The following ATF2 variants were observed in gnomAD, a reference collection of about 807,000 sequenced individuals.
The protein encoded by ATF2 is activating transcription factor 2.
ATF2 carries 24 observed loss-of-function variants against 60.6 expected under a neutral mutation model. The observed-to-expected ratio is 0.40, with a 90% CI of 0.29 to 0.56. ATF2 has a LOEUF of 0.56. ATF2 is among the 20% of genes least tolerant of loss of function. ATF2 has a pLI of 0.54. For synonymous variants in ATF2, 206 were observed against 215.4 expected, an observed-to-expected ratio of 0.96 and a Z score of 0.38; for missense variants, 433 against 607.7, an observed-to-expected ratio of 0.71 and a Z score of 3.02.
At chr2:175,107,916 A>G (rs553838138) in intron 10 of ATF2, among the ~76,000 whole-genome samples, 1 of 152,236 alleles carries the variant, frequency 6.6e-6, no homozygotes, top group Non-Finnish European at 1.5e-5. Context: ...TCGGCTCGCT[A>G]CAACCTCCAC....
intron 12 of ATF2, among the ~76,000 whole-genome samples, chr2:175,085,344 G>A (rs531449790): frequency 6.2e-4 from 95 of 152,016 alleles, no homozygotes; most frequent in Middle Eastern, 3.4e-3. Flanking sequence ...AGACCAGCCT[G>A]GCCAACGTGG....
At chr2:175,163,169 AAATAAATAAATAAAT>A (rs1700129564) in intron 1 of ATF2, among the ~76,000 whole-genome samples, 1 of 26,802 alleles carries the variant, frequency 3.7e-5, no homozygotes, top group East Asian at 0.011. Context: ...ATAAATAAAT[AAATAAATAAATAAAT>A]GCAAGCAAAC....
At chr2:175,103,199 A>T (rs1695420732) in intron 10 of ATF2, among the ~76,000 whole-genome samples, 1 of 152,256 alleles carries the variant, frequency 6.6e-6, no homozygotes, top group Admixed American at 6.5e-5. Context: ...TTTATGAAAA[A>T]GTCAGATCCA....
intron 2 of ATF2, among the ~76,000 whole-genome samples, chr2:175,144,670 A>G (rs1418945675): frequency 6.6e-6 from 1 of 152,116 alleles, no homozygotes; most frequent in Admixed American, 6.6e-5. Flanking sequence ...GTCCACTGGG[A>G]GATAGATGAG....
chr2:175,092,026 A>G (rs1289376648), intron 12 of ATF2, among the ~76,000 whole-genome samples: 2 of 152,242 alleles, frequency 1.3e-5, no homozygotes, highest in Non-Finnish European at 1.5e-5. Context: ...TCTGCAAGAC[A>G]ATCTATTTGT....
chr2:175,117,052 AT>A lies in ATF2; in HGVS notation c.447+937del, dbSNP rs5836482. The stretch of plus-strand genomic sequence containing the variant: ...GATCTTTATATCCATCTATCCTTCT[AT>A]TTAACTATTCACTTATGTATTTGTA... On this transcript the variant is annotated intron_variant, in intron 7 of 13. Coordinates refer to ENST00000264110, the MANE Select transcript of ATF2 (RefSeq NM_001880.4). Among the ~76,000 whole-genome samples, 751 of 152,096 alleles carry A rather than the reference AT, an allele frequency of 4.9e-3. 2 individuals carry two copies. The highest frequency in any genetic ancestry group is 0.031 in the Middle Eastern group (9 of 294).
rs763190197 is a variant in ATF2, at chr2:175,074,633, G to A, written c.1494C>T (p.Ser498=). Residue 498 remains serine (S), a synonymous_variant, in exon 14 of 14, where the codon TCC becomes TCT. Coordinates refer to ENST00000264110, the MANE Select transcript of ATF2 (RefSeq NM_001880.4). ...ALSQIVMAPS[S]QSQPSGS ...ATCAACTTCCTGAGGGCTGTGACTG[G>A]GAGGAAGGAGCCATAACGATCTGTG... 1.2e-6 allele frequency: 2 copies of A among 1,612,856 alleles called. No homozygotes were observed. Among genetic ancestry groups the A allele is most frequent in the South Asian group, 2.2e-5 (2 of 91,010 alleles).
At chr2:175,102,298 G>C (rs1695364692) in intron 10 of ATF2, among the ~76,000 whole-genome samples, 2 of 152,102 alleles carry the variant, frequency 1.3e-5, no homozygotes, top group Non-Finnish European at 1.5e-5. Context: ...CAAAAGCTTT[G>C]CCAAACTGGA....
intron 10 of ATF2, among the ~76,000 whole-genome samples, chr2:175,105,322 A>C (rs1466346454): frequency 2.1e-5 from 3 of 139,654 alleles, no homozygotes; most frequent in African/African-American, 9.4e-5. Context: ...CCCCCCCCCA[A>C]AAAAATATGA....
At chr2:175,128,785 A>G (rs1307274884) in intron 4 of ATF2, among the ~76,000 whole-genome samples, 1 of 152,132 alleles carries the variant, frequency 6.6e-6, no homozygotes, top group Non-Finnish European at 1.5e-5. Flanking sequence ...GAAGCCTCTG[A>G]CAAGGACTGG....
At chr2:175,092,059 C>T (rs1027753358) in intron 12 of ATF2, among the ~76,000 whole-genome samples, 1 of 151,976 alleles carries the variant, frequency 6.6e-6, no homozygotes, top group Non-Finnish European at 1.5e-5. Flanking sequence ...ATATTCAAAG[C>T]AAAATAAAGA....
Position 175,118,055 on chromosome 2 carries a change from C to G in ATF2, c.382G>C (p.Val128Leu). The part of the protein sequence containing the change: ...IIRSKIEEPS[V>L]VETTHQDSPL... ...CTATCCTGGTGAGTTGTTTCTACAA[C>G]AGAAGGCTCCTCAATTTTGCTTCTT... The change falls in exon 7 of 14, where the codon GTT becomes CTT. Residue 128 changes from valine to leucine, a missense_variant. Around this residue, in one of 5 missense-constraint regions of ATF2, gnomAD observed 246 missense variants for 309.3 expected, o/e 0.80. Coordinates refer to ENST00000264110, the MANE Select transcript of ATF2 (RefSeq NM_001880.4). The G allele has an allele frequency of 1.1e-5, 17 of 1,612,122 alleles. No individual in the cohort carries two copies. The highest frequency in any genetic ancestry group is 1.4e-5 in the Non-Finnish European group (17 of 1,178,692).
chr2:175,094,803 C>T (rs564196074), intron 11 of ATF2, among the ~76,000 whole-genome samples: 12 of 152,050 alleles, frequency 7.9e-5, no homozygotes, highest in South Asian at 4.1e-4. Context: ...TAGCCAAGTG[C>T]GGTGGCATGT....
At chr2:175,111,758 T>G in intron 9 of ATF2, 104 bp from the exon 10 acceptor site, 5 of 966,112 alleles carry the variant, frequency 5.2e-6, no homozygotes, top group Non-Finnish European at 7.7e-6. Flanking sequence ...ATCAGAACAT[T>G]GTAAATTTAT....
intron 1 of ATF2, chr2:175,167,783 C>T: frequency 2.2e-6 from 1 of 453,958 alleles, no homozygotes. Context: ...TAGGAAAGCG[C>T]GCGAGAGGGA....
At chr2:175,155,712 G>A (rs62184524) in intron 1 of ATF2, among the ~76,000 whole-genome samples, 6,195 of 152,128 alleles carry the variant, frequency 0.041, 148 homozygotes, top group Admixed American at 0.095. Context: ...TGGAGAAGTC[G>A]AAAGAAAATA....
chr2:175,080,445 G>T, intron 13 of ATF2: 1 of 358,268 alleles, frequency 2.8e-6, no homozygotes, highest in Non-Finnish European at 5.0e-6. Flanking sequence ...CTATAGTAAC[G>T]CTTAGGAAAA....
chr2:175,142,685 AAGAGAG>A (rs371270320), intron 2 of ATF2, among the ~76,000 whole-genome samples: 5,130 of 126,316 alleles, frequency 0.041, 252 homozygotes, highest in African/African-American at 0.12. Flanking sequence ...ACGCTGCCGA[AAGAGAG>A]AGAGAGAGAG....
intron 5 of ATF2, among the ~76,000 whole-genome samples, chr2:175,121,044 C>T (rs897690541): frequency 1.3e-5 from 2 of 151,836 alleles, no homozygotes; most frequent in Admixed American, 1.3e-4. Context: ...AGTCTGCTCA[C>T]TGTTCTTTCT....
Sources: gnomAD v4.1 joint callset for allele counts (sites outside exome capture counted in the v4.1 genomes callset) on GRCh38, gnomAD v4.1.1 for gene constraint, gnomAD v4.1.1 regional missense constraint, MANE v1.5 for transcripts, NCBI Gene and HGNC (gene_info 2026-07-23, HGNC 2026-07-21) for gene names.